Variants in HERC2 observed in about 807,000 individuals in gnomAD.
HERC2 encodes the protein E3 ubiquitin-protein ligase HERC2.
HERC2 carries 102 observed loss-of-function variants against 537.7 expected under a neutral mutation model. That is an observed-to-expected ratio of 0.19 (90% confidence interval 0.16 to 0.22). The LOEUF is 0.22. Among genes scored for constraint, HERC2 ranks in the 10% least tolerant of loss-of-function variants. The pLI, the probability that HERC2 is intolerant of heterozygous loss-of-function variation, is 1.00. For missense variants in HERC2, 4,236 were observed against 6,198.2 expected (o/e 0.68, Z 10.63); for synonymous variants, 2,224 against 2,466.2 (o/e 0.90, Z 2.91).
At chr15:28,301,725 G>T (rs1453684031) in intron 2 of HERC2, among the ~76,000 whole-genome samples, 2 of 39,058 alleles carry the variant, frequency 5.1e-5, no homozygotes, top group African/African-American at 1.3e-4. Flanking sequence ...CACACTAGTT[G>T]TATGTATGTG....
chr15:28,143,227 G>A (rs1397465677), intron 74 of HERC2, among the ~76,000 whole-genome samples: 3 of 152,062 alleles, frequency 2.0e-5, no homozygotes, highest in African/African-American at 7.2e-5. Flanking sequence ...GCCCACAAAC[G>A]CTGCCTGTCT....
intron 39 of HERC2, among the ~76,000 whole-genome samples, 181 bp downstream of exon 39, chr15:28,215,440 G>A (rs57641774): frequency 0.18 from 26,739 of 151,984 alleles, 4,269 homozygotes; most frequent in East Asian, 0.42. Flanking sequence ...CAGGTAAACT[G>A]AAGGTTAGCA....
intron 16 of HERC2, 78 bp downstream of exon 16, chr15:28,260,699 G>T: frequency 8.6e-7 from 1 of 1,168,622 alleles, no homozygotes; most frequent in Non-Finnish European, 1.2e-6. Context: ...AAACTCAGTG[G>T]TATTTTCTAC....
chr15:28,139,621 T>TCATTACATTA (rs1890990318), intron 78 of HERC2, among the ~76,000 whole-genome samples: 1 of 152,210 alleles, frequency 6.6e-6, no homozygotes, highest in Admixed American at 6.5e-5. Context: ...AGTATCTCAC[T>TCATTACATTA]CATGAATAGG....
At position 28,274,400 on chromosome 15, in the gene HERC2, C is replaced by T. The variant is rs767537791; in HGVS notation, c.691G>A (p.Ala231Thr). 3.0e-5 allele frequency: 48 copies of T among 1,613,774 alleles called. No individual in the cohort carries two copies. Among genetic ancestry groups the T allele is most frequent in the Non-Finnish European group, 3.9e-5 (46 of 1,179,892 alleles). ...GAGGCCTCGGGAAGTGCTCGCAGGG[C>T]GTCCAGGGACTCCTGCAACAGCTCA... is the stretch of plus-strand genomic sequence containing the variant. ...CSELLQESLD[A>T]LRALPEASLF... is the part of the protein sequence containing the mutation. The change falls in exon 7 of 93, where the codon GCC (alanine) becomes ACC (threonine). Residue 231 changes from alanine (A) to threonine (T), a missense_variant. Coordinates refer to ENST00000261609, the MANE Select transcript of HERC2 (RefSeq NM_004667.6).
intron 2 of HERC2, among the ~76,000 whole-genome samples, chr15:28,318,649 A>C (rs373987814): frequency 2.4e-4 from 37 of 152,318 alleles, no homozygotes; most frequent in Middle Eastern, 3.4e-3. Flanking sequence ...TTGTACAATT[A>C]AACTGTTTAT....
intron 30 of HERC2, among the ~76,000 whole-genome samples, chr15:28,232,105 G>T (rs1040512502): frequency 2.0e-5 from 3 of 152,140 alleles, no homozygotes; most frequent in Admixed American, 6.5e-5. Context: ...ATGGTGTAGG[G>T]TTTGTTCAGG....
chr15:28,225,441 T>G (rs1901025126), intron 35 of HERC2, among the ~76,000 whole-genome samples: 2 of 152,048 alleles, frequency 1.3e-5, no homozygotes, highest in Non-Finnish European at 2.9e-5. Context: ...CTCACGCCTG[T>G]AATCCCAGCA....
chr15:28,250,215 A>C (rs747735703), intron 20 of HERC2, among the ~76,000 whole-genome samples: 1 of 152,204 alleles, frequency 6.6e-6, no homozygotes, highest in Non-Finnish European at 1.5e-5. Context: ...TACCAGCAGC[A>C]TGAGTAAGGA....
Position 28,272,937 on chromosome 15 carries a change from G to A in HERC2, c.868C>T (p.Leu290=), listed in dbSNP as rs778681033. 3 of 1,612,264 alleles carry A rather than the reference G, an allele frequency of 1.9e-6. No homozygotes were observed. Among genetic ancestry groups the A allele is most frequent in the South Asian group, 1.1e-5 (1 of 91,008 alleles). ...ACAGCCAGCTCCAGCAGGATGGCCA[G>A]GGCCAAGTGCTGGTCCTGCAGGGGG... ...SIPLQDQHLA[L]AILLELAVQR... Residue 290 remains leucine, a synonymous_variant, in exon 8 of 93, where the codon CTG becomes TTG. Coordinates refer to ENST00000261609, the MANE Select transcript of HERC2 (RefSeq NM_004667.6).
intron 2 of HERC2, chr15:28,312,639 A>G (rs1007487691): frequency 1.8e-5 from 3 of 169,756 alleles, no homozygotes; most frequent in Non-Finnish European, 3.6e-5. Flanking sequence ...AAAAAAATAA[A>G]ATAAAATAAA....
At position 28,270,793 on chromosome 15, in the gene HERC2, T is replaced by C. The variant is rs1314628397; in HGVS notation, c.1159A>G (p.Ile387Val). The change falls in exon 10 of 93, where the codon ATT becomes GTT. Residue 387 changes from isoleucine to valine, a missense_variant. Ile to Val is a conservative substitution (Grantham distance 29). Coordinates refer to ENST00000261609, the MANE Select transcript of HERC2 (RefSeq NM_004667.6). ...ACAACCGCCGTTTGTCGCAGATCAA[T>C]GGCAAGCTCGTTGTCTTGTGGAAGG... ...LTLPQDNELA[I>V]DLRQTAVVVM... The C allele has an allele frequency of 4.3e-6, 7 of 1,613,910 alleles. No individual in the cohort carries two copies. The highest frequency in any genetic ancestry group is 1.1e-5 in the South Asian group (1 of 91,070).
chr15:28,263,256 G>C, intron 14 of HERC2, 87 bp from the exon 15 acceptor site: 1 of 1,444,880 alleles, frequency 6.9e-7, no homozygotes, highest in South Asian at 1.3e-5. Flanking sequence ...AATGAAAAAC[G>C]CACACTAATC....
chr15:28,125,290 T>A, intron 83 of HERC2, 97 bp from the exon 84 acceptor site: 1 of 976,806 alleles, frequency 1.0e-6, no homozygotes, highest in Non-Finnish European at 1.6e-6. Flanking sequence ...CAACGCTCCC[T>A]GCCCTTCAGC....
At position 28,195,842 on chromosome 15, in the gene HERC2, T is replaced by C. The variant is rs543815919; in HGVS notation, c.8260+373A>G. Among the ~76,000 whole-genome samples the C allele has an allele frequency of 1.8e-4, 28 of 152,340 alleles. No individual in the cohort carries two copies. The South Asian group carries it at 5.8e-3, about 32-fold the overall frequency. On this transcript the variant is annotated intron_variant, in intron 52 of 92. Transcript: ENST00000261609. ...TGATTAAGTGGCTAATTTTAAGTTA[T>C]ATATATTTTGCCACAATGACAAATA... is the stretch of plus-strand genomic sequence containing the variant.
intron 79 of HERC2, among the ~76,000 whole-genome samples, chr15:28,134,703 C>CTTT (rs71132835): frequency 4.2e-4 from 48 of 114,802 alleles, no homozygotes; most frequent in African/African-American, 1.3e-3. Context: ...ATTTTTTCCT[C>CTTT]TTTTTTTTTT....
chr15:28,211,879 T>C (rs1407689148), intron 43 of HERC2, among the ~76,000 whole-genome samples: 4 of 152,272 alleles, frequency 2.6e-5, no homozygotes, highest in Admixed American at 6.5e-5. Flanking sequence ...GAATACGCCA[T>C]AGTTACGGGT....
At chr15:28,297,572 A>C (rs1470125051) in intron 3 of HERC2, among the ~76,000 whole-genome samples, 1 of 152,168 alleles carries the variant, frequency 6.6e-6, no homozygotes, top group Non-Finnish European at 1.5e-5. Flanking sequence ...AAACATGAAA[A>C]TCAAAAGCAC....
intron 20 of HERC2, 105 bp downstream of exon 20, chr15:28,254,235 A>G: frequency 1.4e-6 from 1 of 738,648 alleles, no homozygotes; most frequent in Admixed American, 3.1e-5. Context: ...GTGAGCCAAG[A>G]TGGCGCCATA....
Sources: gnomAD v4.1 joint callset for allele counts (sites outside exome capture counted in the v4.1 genomes callset) on GRCh38, gnomAD v4.1.1 for gene constraint, MANE v1.5 for transcripts, NCBI Gene and HGNC (gene_info 2026-07-23, HGNC 2026-07-21) for gene names.